C5orf63: variants seen among roughly 807,000 people sequenced by gnomAD.
The protein encoded by C5orf63 is chromosome 5 open reading frame 63, also known as glutaredoxin-like protein C5orf63.
Under a neutral mutation model 13.3 loss-of-function variants are expected in C5orf63, and 18 were observed. The observed-to-expected ratio is 1.36, with a 90% CI of 0.94 to 2.01. The LOEUF is 2.01. C5orf63 is among the 30% of genes most tolerant of loss of function. C5orf63 has a pLI of 0.00. For missense variants in C5orf63, 118 were observed against 127.7 expected (o/e 0.92, Z 0.36); for synonymous variants, 38 against 44.7 (o/e 0.85, Z 0.60).
At chr5:127,052,996 G>A (rs529014243) in intron 3 of C5orf63, among the ~76,000 whole-genome samples, 29 of 152,096 alleles carry the variant, frequency 1.9e-4, no homozygotes, top group African/African-American at 7.0e-4. Flanking sequence ...GTCCTTCCTA[G>A]GTCAGGTGCA....
chr5:127,072,776 C>T (rs1221397876), intron 1 of C5orf63, among the ~76,000 whole-genome samples: 1 of 152,160 alleles, frequency 6.6e-6, no homozygotes, highest in Non-Finnish European at 1.5e-5. Flanking sequence ...CTCACAATGA[C>T]ATTTTAGTGG....
At chr5:127,053,687 G>C (rs1045140430) in intron 3 of C5orf63, among the ~76,000 whole-genome samples, 5 of 152,166 alleles carry the variant, frequency 3.3e-5, no homozygotes, top group Non-Finnish European at 7.3e-5. Context: ...CGCTGTGTTT[G>C]GTTTTCTGTC....
chr5:127,051,272 T>C, downstream of C5orf63: 1 of 1,210,364 alleles, frequency 8.3e-7, no homozygotes, highest in Non-Finnish European at 1.0e-6. Flanking sequence ...ACAGGTATTA[T>C]TAAATCCCAC....
At chr5:127,071,415 G>A (rs1050606088) in intron 2 of C5orf63, among the ~76,000 whole-genome samples, 169 bp downstream of exon 2, 4 of 152,224 alleles carry the variant, frequency 2.6e-5, no homozygotes, top group African/African-American at 9.6e-5. Context: ...CTCCGTGGCT[G>A]TACTGGGATG....
chr5:127,042,805 T>C (rs1021893864), downstream of C5orf63: 7 of 152,202 alleles, frequency 4.6e-5, no homozygotes, highest in Non-Finnish European at 1.0e-4. Flanking sequence ...TGCCCCCTTA[T>C]GGTGAAGCGA....
chr5:127,054,962 C>T (rs181334098), intron 3 of C5orf63, among the ~76,000 whole-genome samples: 1 of 152,248 alleles, frequency 6.6e-6, no homozygotes, highest in East Asian at 1.9e-4. Context: ...TATGGCTAGC[C>T]AGTTTTCCCA....
At chr5:127,051,098 C>G (rs1753657596), downstream of C5orf63, among the ~76,000 whole-genome samples, 1 of 152,232 alleles carries the variant, frequency 6.6e-6, no homozygotes, top group South Asian at 2.1e-4. Context: ...CTATGAAAGG[C>G]AGTCCTCAAA....
chr5:127,058,902 C>G lies in C5orf63; in HGVS notation c.94G>C (p.Val32Leu). 6.5e-7 allele frequency: 1 copy of G among 1,536,088 alleles called. No homozygotes were observed. Among genetic ancestry groups the G allele is most frequent in the South Asian group, 1.2e-5 (1 of 84,032 alleles). ...TGTACCTTTGTGAATAAGGTCAACA[C>G]AGGCAGAGTTGTCTTAGAGGCAGAG... The part of the protein sequence containing the change: ...NCSASKTTLP[V>L]LTLFTKDPCP... Residue 32 changes from valine (V) to leucine (L), a missense_variant, in exon 3 of 5, where the codon GTG (valine) becomes CTG (leucine). By Grantham distance (32) the Val-to-Leu change is conservative (BLOSUM62 1). Coordinates refer to ENST00000296662, the MANE Select transcript of C5orf63 (RefSeq NM_001164478.2).
chr5:127,069,789 A>C (rs1179910770), intron 2 of C5orf63, among the ~76,000 whole-genome samples: 1 of 152,164 alleles, frequency 6.6e-6, no homozygotes, highest in East Asian at 1.9e-4. Context: ...TTTAATAGCT[A>C]TCATTGATAG....
chr5:127,066,963 G>C (rs923954665), intron 2 of C5orf63, among the ~76,000 whole-genome samples: 2 of 152,170 alleles, frequency 1.3e-5, no homozygotes, highest in Admixed American at 1.3e-4. Flanking sequence ...TTGTCAAGGA[G>C]ACTGATGAGG....
chr5:127,063,755 C>G (rs1231075763), intron 2 of C5orf63, among the ~76,000 whole-genome samples: 1 of 152,164 alleles, frequency 6.6e-6, no homozygotes, highest in Non-Finnish European at 1.5e-5. Context: ...CTCACTGAAC[C>G]TATATTCCCT....
In C5orf63 at chr5:127,068,088, A is replaced by G. The variant is rs897138967; in HGVS notation, c.-8+3496T>C. On this transcript the variant is annotated intron_variant, in intron 2 of 4. Transcript: ENST00000296662. ...AGGGAGGCAAATCCTCATCTCCTAA[A>G]GCCTCAGTTTCAGCCACAATTAAAT... Among the ~76,000 whole-genome samples the G allele has an allele frequency of 5.9e-5, 9 of 152,286 alleles. 1 individual carries two copies. Among genetic ancestry groups the G allele is most frequent in the Admixed American group, 5.9e-4 (9 of 15,286 alleles).
intron 3 of C5orf63, among the ~76,000 whole-genome samples, chr5:127,054,933 C>G (rs1424136794): frequency 1.3e-5 from 2 of 152,154 alleles, no homozygotes; most frequent in Non-Finnish European, 2.9e-5. Flanking sequence ...AGGAAGGGAT[C>G]CAGTTTCAGC....
chr5:127,069,515 T>C (rs992223151), intron 2 of C5orf63, among the ~76,000 whole-genome samples: 5 of 152,218 alleles, frequency 3.3e-5, no homozygotes, highest in African/African-American at 1.2e-4. Context: ...CAATTTATCT[T>C]GTCAAAGAGA....
intron 2 of C5orf63, 83 bp from the exon 3 acceptor site, chr5:127,059,085 G>A (rs1753999178): frequency 1.2e-6 from 1 of 849,364 alleles, no homozygotes; most frequent in Admixed American, 2.4e-5. Flanking sequence ...CCAAGCTTAT[G>A]ATGGAATTTG....
At chr5:127,059,039 C>T in intron 2 of C5orf63, 37 bp from the exon 3 acceptor site, 1 of 1,230,724 alleles carries the variant, frequency 8.1e-7, no homozygotes, top group Non-Finnish European at 1.2e-6. Context: ...ACTTATGTGC[C>T]CTAGACTTTG....
Position 127,051,463 on chromosome 5 carries a change from C to T in C5orf63, c.*308G>A. The T allele has an allele frequency of 8.1e-7, 1 of 1,233,534 alleles. No individual in the cohort carries two copies. Among genetic ancestry groups the T allele is most frequent in the Non-Finnish European group, 1.0e-6 (1 of 989,022 alleles). 76.4% of individuals were successfully genotyped at this position (1,233,534 alleles called of 1,614,324 possible). A position where few individuals can be genotyped will look rare whatever the true frequency, so the allele number is the denominator to read the frequency against. ...ACCTTCTTCCTATAAATGGCATTGC[C>T]CAGTGACTGTGAAGTGCTTCTCTAT... On this transcript the variant is annotated 3_prime_UTR_variant, in exon 5 of 5. Transcript: ENST00000296662.
intron 1 of C5orf63, 112 bp downstream of exon 1, chr5:127,073,339 G>A (rs1029176085): frequency 6.6e-6 from 1 of 152,132 alleles, no homozygotes; most frequent in Admixed American, 6.5e-5. Flanking sequence ...TCCGTATAAC[G>A]ACTATCCAAA....
intron 3 of C5orf63, among the ~76,000 whole-genome samples, chr5:127,058,475 G>A (rs1253244915): frequency 6.6e-6 from 1 of 152,170 alleles, no homozygotes; most frequent in Non-Finnish European, 1.5e-5. Flanking sequence ...GTAGGCTGAT[G>A]AAAATATTAT....
Sources: allele counts gnomAD v4.1 joint callset (sites outside exome capture counted in the v4.1 genomes callset), GRCh38; gene constraint gnomAD v4.1.1; transcripts MANE v1.5; gene names NCBI Gene and HGNC (gene_info 2026-07-23, HGNC 2026-07-21).